Variants in INTS9 observed in about 807,000 individuals in gnomAD.
INTS9 encodes the protein protein related to CPSF subunits of 74 kDa.
Under a neutral mutation model 79.7 loss-of-function variants are expected in INTS9, and 55 were observed. That is an observed-to-expected ratio of 0.69 (90% CI 0.56 to 0.86). INTS9 has a LOEUF of 0.86. Ranked by LOEUF, INTS9 falls within the 40% of genes least tolerant of loss-of-function variation. The pLI is 0.00. For synonymous variants in INTS9, 319 were observed against 325.2 expected (o/e 0.98, Z 0.20); for missense variants, 721 against 831.5 (o/e 0.87, Z 1.64).
In INTS9 at chr8:28,827,774, T is replaced by A. The variant is rs576380139; in HGVS notation, c.488+7518A>T. Among the ~76,000 whole-genome samples, 227 of 152,366 alleles carry A rather than the reference T, an allele frequency of 1.5e-3. 1 individual carries two copies. The highest frequency in any genetic ancestry group is 2.6e-3 in the Non-Finnish European group (180 of 68,038). On this transcript the variant is annotated intron_variant, in intron 6 of 16. Transcript: ENST00000521022. ...ACGACTCTTGAGAGCAACTCAACTA[T>A]CTTTGCTCTAATCCTATGCTCATGG...
chr8:28,858,802 G>A (rs1808304902), intron 2 of INTS9, among the ~76,000 whole-genome samples: 1 of 152,172 alleles, frequency 6.6e-6, no homozygotes, highest in Admixed American at 6.5e-5. Context: ...TATCTTGTAT[G>A]TGGTGTCACT....
chr8:28,808,701 A>G (rs146729224), intron 8 of INTS9, among the ~76,000 whole-genome samples: 320 of 152,314 alleles, frequency 2.1e-3, no homozygotes, highest in Non-Finnish European at 3.5e-3. Flanking sequence ...AAGATCTGTA[A>G]CTTTTATTCT....
intron 13 of INTS9, 110 bp from the exon 14 acceptor site, chr8:28,776,036 C>G (rs1020092032): frequency 4.7e-6 from 4 of 854,208 alleles, no homozygotes; most frequent in Non-Finnish European, 6.9e-6. Context: ...CTCACCACTT[C>G]CAGGCCAAGG....
At chr8:28,777,685 C>T in intron 13 of INTS9, 144 bp downstream of exon 13, 1 of 839,492 alleles carries the variant, frequency 1.2e-6, no homozygotes, top group South Asian at 2.4e-5. Context: ...GGGGGGCTGG[C>T]ATGTGTCCCA....
At chr8:28,878,024 T>C (rs563656474) in intron 1 of INTS9, among the ~76,000 whole-genome samples, 1 of 152,218 alleles carries the variant, frequency 6.6e-6, no homozygotes, top group Admixed American at 6.5e-5. Context: ...TCTTGTTAAA[T>C]GCAGATTCTG....
chr8:28,793,143 A>G (rs1804012194), intron 10 of INTS9, among the ~76,000 whole-genome samples: 1 of 152,162 alleles, frequency 6.6e-6, no homozygotes, highest in Admixed American at 6.5e-5. Context: ...CCTCATGACT[A>G]AAAGGGATTA....
intron 11 of INTS9, among the ~76,000 whole-genome samples, chr8:28,781,745 G>T (rs557481663): frequency 6.6e-6 from 1 of 152,206 alleles, no homozygotes; most frequent in African/African-American, 2.4e-5. Context: ...TATACAGATA[G>T]TAAAAGGCTC....
intron 3 of INTS9, 81 bp downstream of exon 3, chr8:28,850,132 C>T: frequency 9.4e-7 from 1 of 1,063,770 alleles, no homozygotes; most frequent in Non-Finnish European, 1.4e-6. Flanking sequence ...ATCAGTCACA[C>T]TACTACAGGG....
At chr8:28,790,141 G>T (rs1282365047) in intron 10 of INTS9, among the ~76,000 whole-genome samples, 1 of 152,178 alleles carries the variant, frequency 6.6e-6, no homozygotes, top group Non-Finnish European at 1.5e-5. Flanking sequence ...GGGAACCAGA[G>T]TGATAGGGAA....
intron 2 of INTS9, among the ~76,000 whole-genome samples, chr8:28,853,296 C>T (rs371682631): frequency 5.8e-4 from 88 of 151,780 alleles, no homozygotes; most frequent in African/African-American, 2.0e-3. Context: ...GCCTATAATC[C>T]CAGCTACTTG....
At chr8:28,782,231 CT>C (rs1200055555) in intron 11 of INTS9, among the ~76,000 whole-genome samples, 2 of 152,192 alleles carry the variant, frequency 1.3e-5, no homozygotes, top group Non-Finnish European at 2.9e-5. Flanking sequence ...TGGACTCTTC[CT>C]TTATAAGCTG....
intron 2 of INTS9, among the ~76,000 whole-genome samples, chr8:28,852,804 C>T (rs910369866): frequency 4.6e-5 from 7 of 152,192 alleles, no homozygotes; most frequent in African/African-American, 1.7e-4. Context: ...ATCAAGGCCA[C>T]CTATTATACC....
At chr8:28,772,816 A>C (rs201545380) in intron 14 of INTS9, among the ~76,000 whole-genome samples, 2 of 92,242 alleles carry the variant, frequency 2.2e-5, no homozygotes, top group African/African-American at 8.3e-5. Flanking sequence ...CAAAAAAAGA[A>C]AAAAAAAGAC....
chr8:28,786,457 AT>A (rs1436610028), intron 11 of INTS9, among the ~76,000 whole-genome samples: 2 of 151,956 alleles, frequency 1.3e-5, no homozygotes, highest in Non-Finnish European at 2.9e-5. Context: ...CACCGGGCTA[AT>A]TTTTTGTATT....
rs890116563 is a variant in INTS9 at position 28,775,822 on chromosome 8, C to T, written c.1500G>A (p.Arg500=). ...AGGGCAGGGCGAGAACCTCAGCCCGCCGATAGGACATGGCGGGGGGCTGGC... is the reference window on the plus strand; with the variant it reads ...AGGGCAGGGCGAGAACCTCAGCCCGTCGATAGGACATGGCGGGGGGCTGGC... The part of the protein sequence containing the change: ...IDCQPPAMSY[R]RAEVLALPFK... Residue 500 remains arginine (R), a synonymous_variant, in exon 14 of 17, where the codon CGG becomes CGA. Coordinates refer to ENST00000521022, the MANE Select transcript of INTS9 (RefSeq NM_018250.4). 2 of 1,613,940 alleles carry T rather than the reference C, an allele frequency of 1.2e-6. No homozygotes were observed. The highest frequency in any genetic ancestry group is 2.2e-5 in the South Asian group (2 of 91,074).
chr8:28,815,947 T>C (rs2131068146), intron 6 of INTS9, among the ~76,000 whole-genome samples: 1 of 152,188 alleles, frequency 6.6e-6, no homozygotes, highest in African/African-American at 2.4e-5. Flanking sequence ...TGGAAAATAT[T>C]TAGACTACAA....
chr8:28,819,830 G>C (rs2131092585), intron 6 of INTS9, among the ~76,000 whole-genome samples: 1 of 152,212 alleles, frequency 6.6e-6, no homozygotes, highest in South Asian at 2.1e-4. Context: ...TATGAATCTG[G>C]GTGCTCCTGT....
chr8:28,881,277 A>G (rs1809770794), intron 1 of INTS9, among the ~76,000 whole-genome samples: 1 of 148,052 alleles, frequency 6.8e-6, no homozygotes, highest in Non-Finnish European at 1.5e-5. Flanking sequence ...CCGCCCGGCC[A>G]GCCGCCCAGT....
intron 1 of INTS9, among the ~76,000 whole-genome samples, chr8:28,872,197 A>G (rs1422795804): frequency 6.6e-6 from 1 of 152,208 alleles, no homozygotes; most frequent in African/African-American, 2.4e-5. Flanking sequence ...GTCTTTGAAC[A>G]AGAAATTCCA....
Sources: gnomAD v4.1 joint callset for allele counts (sites outside exome capture counted in the v4.1 genomes callset) on GRCh38, gnomAD v4.1.1 for gene constraint, MANE v1.5 for transcripts, NCBI Gene and HGNC (gene_info 2026-07-23, HGNC 2026-07-21) for gene names.